The following DLGAP2 variants were observed in gnomAD, a reference collection of about 807,000 sequenced individuals.
DLGAP2 encodes the protein DLG associated protein 2, also known as disks large-associated protein 2.
Under a neutral mutation model 100.3 loss-of-function variants are expected in DLGAP2, and 26 were observed. The ratio of observed to expected loss-of-function variants is 0.26; its 90% CI spans 0.19 to 0.36. The LOEUF is 0.36. Among genes scored for constraint, DLGAP2 ranks in the 10% least tolerant of loss-of-function variants. The pLI is 1.00. For synonymous variants in DLGAP2, 886 were observed against 630.1 expected, an observed-to-expected ratio of 1.41 and a Z score of -6.08; for missense variants, 1,858 against 1,453.2, an observed-to-expected ratio of 1.28 and a Z score of -4.53.
chr8:859,360 C>T lies in DLGAP2; in HGVS notation c.19-48552C>T, dbSNP rs573629626. 9.1e-4 allele frequency among the ~76,000 whole-genome samples: 138 copies of T among 152,304 alleles called. 2 individuals are homozygous for T. Among genetic ancestry groups the T allele is most frequent in the African/African-American group, 3.3e-3 (136 of 41,566 alleles). On this transcript the variant is annotated intron_variant, in intron 1 of 14. Transcript: ENST00000637795. ...CTCCTGACCGCAGCTGATCCATCTG[C>T]CTTGGCCTCCCAAAGGGCTGGGATT...
intron 3 of DLGAP2, among the ~76,000 whole-genome samples, chr8:1,333,246 G>A (rs1163949645): frequency 6.6e-6 from 1 of 152,134 alleles, no homozygotes; most frequent in Non-Finnish European, 1.5e-5. Flanking sequence ...CCCTGGCCAG[G>A]GGAGCAGAGC....
chr8:1,091,776 C>G (rs1013176889), intron 2 of DLGAP2, among the ~76,000 whole-genome samples: 1 of 151,936 alleles, frequency 6.6e-6, no homozygotes, highest in African/African-American at 2.4e-5. Flanking sequence ...CCTCCATGGC[C>G]CCCGACCCTC....
intron 3 of DLGAP2, chr8:1,302,757 C>T (rs75495488): frequency 3.9e-5 from 6 of 152,292 alleles, no homozygotes; most frequent in African/African-American, 1.4e-4. Flanking sequence ...GGGCTCTTGC[C>T]CCGCCTGGGG....
chr8:1,578,852 G>A lies in DLGAP2; in HGVS notation c.1442+12958G>A, dbSNP rs182588145. Among the ~76,000 whole-genome samples the A allele has an allele frequency of 2.4e-3, 364 of 152,232 alleles. 1 individual carries two copies. The highest frequency in any genetic ancestry group is 8.5e-3 in the African/African-American group (354 of 41,534). ...TACAGACCCTCGGCCTTGTGTCCCC[G>A]ATCGGGAAGGTCAGATTCCCAGGGC... On this transcript the variant is annotated intron_variant, in intron 6 of 14. Coordinates refer to ENST00000637795, the MANE Select transcript of DLGAP2 (RefSeq NM_001346810.2).
intron 14 of DLGAP2, 114 bp from the exon 15 acceptor site, chr8:1,701,074 G>A (rs1799552670): frequency 6.4e-6 from 6 of 937,342 alleles, no homozygotes; most frequent in Non-Finnish European, 9.5e-6. Flanking sequence ...GAAGGATGCG[G>A]CCCTGGGGGC....
At chr8:1,164,133 G>C (rs1259641324) in intron 2 of DLGAP2, among the ~76,000 whole-genome samples, 2 of 102,098 alleles carry the variant, frequency 2.0e-5, no homozygotes, top group Non-Finnish European at 4.2e-5. Flanking sequence ...CCGTCATTTT[G>C]GTTTGTGGGG....
chr8:773,713 T>G (rs1454059666), intron 1 of DLGAP2, among the ~76,000 whole-genome samples: 2 of 152,056 alleles, frequency 1.3e-5, no homozygotes, highest in Admixed American at 6.6e-5. Context: ...TTCCATGGTG[T>G]ATATATGCCA....
At chr8:1,373,420 C>T (rs773217105) in intron 3 of DLGAP2, among the ~76,000 whole-genome samples, 1 of 152,088 alleles carries the variant, frequency 6.6e-6, no homozygotes, top group Non-Finnish European at 1.5e-5. Context: ...GCTTCCTGCC[C>T]GACAAGGACG....
In DLGAP2 at chr8:840,624, G is replaced by C. The variant is rs1415387649; in HGVS notation, c.19-67288G>C. On this transcript the variant is annotated intron_variant, in intron 1 of 14. Coordinates refer to ENST00000637795, the MANE Select transcript of DLGAP2 (RefSeq NM_001346810.2). Reference sequence around the variant, plus strand: ...CTGGATTCTGCGAGCGCGTCCACACGGTGCACGCCTGCATGTCTCCCTACA... The same window carrying C: ...CTGGATTCTGCGAGCGCGTCCACACCGTGCACGCCTGCATGTCTCCCTACA... Among the ~76,000 whole-genome samples, 23 of 102,846 alleles carry C rather than the reference G, an allele frequency of 2.2e-4. 1 individual carries two copies. Among genetic ancestry groups the C allele is most frequent in the Admixed American group, 1.3e-3 (12 of 8,906 alleles). The allele number at this position is 102,846 out of a possible 152,430, so 67.5% of individuals were successfully genotyped here.
intron 3 of DLGAP2, among the ~76,000 whole-genome samples, chr8:1,495,174 G>T (rs770828295): frequency 6.6e-6 from 1 of 152,162 alleles, no homozygotes; most frequent in Non-Finnish European, 1.5e-5. Context: ...TGGGTTCATC[G>T]TGTCGTCTTC....
At chr8:1,675,370 G>A (rs1186141793) in intron 10 of DLGAP2, among the ~76,000 whole-genome samples, 1 of 152,204 alleles carries the variant, frequency 6.6e-6, no homozygotes, top group Non-Finnish European at 1.5e-5. Flanking sequence ...CTCTCCTGGG[G>A]CTGGAAACAT....
intron 1 of DLGAP2, among the ~76,000 whole-genome samples, chr8:745,799 G>C (rs1314467698): frequency 6.6e-6 from 1 of 152,190 alleles, no homozygotes; most frequent in African/African-American, 2.4e-5. Context: ...ATTAAGTAAA[G>C]AGAACGGACT....
intron 3 of DLGAP2, among the ~76,000 whole-genome samples, chr8:1,433,758 C>CTTTTTTTT (rs1797530683): frequency 3.6e-5 from 1 of 28,014 alleles, no homozygotes. Flanking sequence ...TTTTTTTTTG[C>CTTTTTTTT]TAGGAGAGTT....
At chr8:947,457 G>A (rs1246646571) in intron 2 of DLGAP2, among the ~76,000 whole-genome samples, 2 of 152,210 alleles carry the variant, frequency 1.3e-5, no homozygotes, top group African/African-American at 4.8e-5. Flanking sequence ...GCTCAGCCCT[G>A]CCCTTACACG....
At chr8:1,653,155 G>C (rs1798205583) in intron 8 of DLGAP2, among the ~76,000 whole-genome samples, 1 of 152,062 alleles carries the variant, frequency 6.6e-6, no homozygotes, top group African/African-American at 2.4e-5. Flanking sequence ...CATCGCGTTG[G>C]TTCTTAGTGC....
intron 2 of DLGAP2, among the ~76,000 whole-genome samples, chr8:1,252,126 C>T (rs1239819554): frequency 6.7e-6 from 1 of 149,506 alleles, no homozygotes; most frequent in Non-Finnish European, 1.5e-5. Flanking sequence ...TGTCATGTCA[C>T]ACTTGCCACA....
intron 1 of DLGAP2, among the ~76,000 whole-genome samples, chr8:854,772 T>C (rs919473594): frequency 1.3e-5 from 2 of 152,176 alleles, no homozygotes; most frequent in Non-Finnish European, 2.9e-5. Context: ...AGGGCCTGCC[T>C]CAGTGGCAGG....
At chr8:1,236,853 G>T (rs1798666335) in intron 2 of DLGAP2, among the ~76,000 whole-genome samples, 1 of 82,218 alleles carries the variant, frequency 1.2e-5, no homozygotes, top group African/African-American at 5.5e-5. Context: ...GTCATGTCTA[G>T]TTCTGTCTCA....
At position 1,661,360 on chromosome 8, in the gene DLGAP2, A is replaced by G. The variant is rs371268418; in HGVS notation, c.1811-6969A>G. 2.2e-4 allele frequency among the ~76,000 whole-genome samples: 34 copies of G among 152,254 alleles called. No homozygotes were observed. In the East Asian group the frequency reaches 5.2e-3, roughly 23 times the overall value. On this transcript the variant is annotated intron_variant, in intron 8 of 14. Transcript: ENST00000637795. ...GTAGGAGCACTGAGAAGAGGCAGGG[A>G]GTAACATCACTGTTGACAAAAGGCC... is the stretch of plus-strand genomic sequence containing the variant.
Sources: allele counts gnomAD v4.1 joint callset (sites outside exome capture counted in the v4.1 genomes callset), GRCh38; gene constraint gnomAD v4.1.1; transcripts MANE v1.5; gene names NCBI Gene and HGNC (gene_info 2026-07-23, HGNC 2026-07-21).